The following ZNF536 variants were observed in gnomAD, a reference collection of about 807,000 sequenced individuals.
The protein encoded by ZNF536 is zinc finger protein 536.
Under a neutral mutation model 84.5 loss-of-function variants are expected in ZNF536, and 13 were observed. That is an observed-to-expected ratio of 0.15 (90% confidence interval 0.10 to 0.24). The LOEUF (loss-of-function observed/expected upper bound fraction) is 0.24, where lower values mean the gene tolerates loss of function less well. Ranked by LOEUF, ZNF536 falls within the 10% of genes least tolerant of loss-of-function variation. ZNF536 has a pLI of 1.00. For missense variants in ZNF536, 1,536 were observed against 1,747.5 expected (o/e 0.88, Z 2.16); for synonymous variants, 811 against 742.5 (o/e 1.09, Z -1.50).
intron 1 of ZNF536, among the ~76,000 whole-genome samples, chr19:30,378,299 T>G (rs1328116002): frequency 6.6e-6 from 1 of 152,218 alleles, no homozygotes; most frequent in African/African-American, 2.4e-5. Context: ...TAGCTGGGAC[T>G]ACAGGCATGA....
chr19:30,656,050 A>AC (rs909733554), intron 1 of ZNF536, among the ~76,000 whole-genome samples: 9 of 151,998 alleles, frequency 5.9e-5, no homozygotes, highest in Non-Finnish European at 1.3e-4. Context: ...TAAAAAAAAA[A>AC]ACCAACAAAC....
intron 2 of ZNF536, among the ~76,000 whole-genome samples, chr19:30,509,803 G>T (rs1048798582): frequency 6.6e-6 from 1 of 152,156 alleles, no homozygotes; most frequent in Non-Finnish European, 1.5e-5. Context: ...TATCTGATCC[G>T]AAGTACAATG....
chr19:30,291,386 G>A (rs898196697), intron 2 of ZNF536, among the ~76,000 whole-genome samples: 1 of 152,128 alleles, frequency 6.6e-6, no homozygotes, highest in Non-Finnish European at 1.5e-5. Flanking sequence ...CATTCTAACT[G>A]GTATGAGATG....
chr19:30,652,939 C>G (rs754218891), intron 1 of ZNF536, among the ~76,000 whole-genome samples: 1 of 152,152 alleles, frequency 6.6e-6, no homozygotes. Flanking sequence ...AACACCAAGG[C>G]GGGGAACCCA....
chr19:30,424,838 C>G (rs2051142374), intron 1 of ZNF536, among the ~76,000 whole-genome samples: 1 of 152,120 alleles, frequency 6.6e-6, no homozygotes, highest in African/African-American at 2.4e-5. Flanking sequence ...GTGAGAAATG[C>G]ATGCTTGGTG....
rs2148147020 is a variant in ZNF536, at chr19:30,443,640, C to T, written c.78C>T (p.Leu26=). 7.4e-6 allele frequency: 12 copies of T among 1,612,618 alleles called. No individual in the cohort carries two copies. Among genetic ancestry groups the T allele is most frequent in the Non-Finnish European group, 1.0e-5 (12 of 1,179,392 alleles). The change falls in exon 2 of 5, where the codon CTC becomes CTT. Residue 26 remains leucine, a synonymous_variant. Transcript: ENST00000355537. ...EAEPHLSGPV[L]NGQYAMSQKL... ...AGCCCCACCTGAGTGGCCCCGTCCT[C>T]AACGGCCAGTATGCCATGAGTCAGA...
intron 1 of ZNF536, among the ~76,000 whole-genome samples, chr19:30,442,718 G>A (rs1309789328): frequency 6.6e-6 from 1 of 152,162 alleles, no homozygotes; most frequent in Non-Finnish European, 1.5e-5. Flanking sequence ...TAAAATAACA[G>A]TGTTTCGTAA....
chr19:30,673,135 G>A (rs1219426005), intron 1 of ZNF536, among the ~76,000 whole-genome samples: 4 of 152,128 alleles, frequency 2.6e-5, no homozygotes, highest in African/African-American at 9.7e-5. Flanking sequence ...GAGCCTCTCC[G>A]AGCCTCCGTT....
chr19:30,334,824 G>A (rs1014001663), intron 2 of ZNF536, among the ~76,000 whole-genome samples: 1 of 152,206 alleles, frequency 6.6e-6, no homozygotes, highest in African/African-American at 2.4e-5. Context: ...GGATGAAACT[G>A]TTCCACCTCA....
chr19:30,416,072 A>G (rs11084550), intron 1 of ZNF536, among the ~76,000 whole-genome samples: 66,743 of 151,994 alleles, frequency 0.44, 15,598 homozygotes, highest in Non-Finnish European at 0.53. Flanking sequence ...TCATGTCAGG[A>G]ATTTGGCTGG....
chr19:30,445,879 T>A lies in ZNF536; in HGVS notation c.2170+147T>A. The stretch of plus-strand genomic sequence containing the variant: ...TGGGTTGGACACTGGGCCATGCCTT[T>A]CTTTCCCCCCCTGACTGGAGGGAAA... On this transcript the variant is annotated intron_variant, in intron 2 of 4. Coordinates refer to ENST00000355537, the MANE Select transcript of ZNF536 (RefSeq NM_014717.3). The surrounding 1 kb of genome is among the most constrained non-coding windows in gnomAD (Gnocchi z 4.5). 2.6e-6 allele frequency: 3 copies of A among 1,137,330 alleles called. No homozygotes were observed. The highest frequency in any genetic ancestry group is 3.6e-6 in the Non-Finnish European group (3 of 840,750). 70.5% of individuals were successfully genotyped at this position (1,137,330 alleles called of 1,614,324 possible).
chr19:30,671,700 C>A (rs571430030), intron 1 of ZNF536, among the ~76,000 whole-genome samples: 42 of 152,250 alleles, frequency 2.8e-4, no homozygotes, highest in Non-Finnish European at 5.0e-4. Flanking sequence ...GTTTATAGCA[C>A]CTGCGCTATC....
chr19:30,344,285 A>G (rs919211913), intron 2 of ZNF536, among the ~76,000 whole-genome samples: 1 of 42,084 alleles, frequency 2.4e-5, no homozygotes, highest in African/African-American at 1.7e-4. Context: ...CTAAAAATAC[A>G]CACACACACA....
rs1461079370 is a variant in ZNF536, at chr19:30,526,506, C to T, written c.2171-8341C>T. 2.4e-5 allele frequency among the ~76,000 whole-genome samples: 3 copies of T among 125,444 alleles called. 1 individual carries two copies. Among genetic ancestry groups the T allele is most frequent in the Non-Finnish European group, 6.0e-5 (3 of 50,008 alleles). 82.3% of individuals were successfully genotyped at this position (125,444 alleles called of 152,430 possible). A position where few individuals can be genotyped will look rare whatever the true frequency, so the allele number is the denominator to read the frequency against. On this transcript the variant is annotated intron_variant, in intron 2 of 4. Transcript: ENST00000355537. ...TTGGGAGGCCGAGGCGGGCGGATCACGAGGTCAGGAGATCGAGACCATCCC... is the reference window on the plus strand; with the variant it reads ...TTGGGAGGCCGAGGCGGGCGGATCATGAGGTCAGGAGATCGAGACCATCCC...
intron 3 of ZNF536, among the ~76,000 whole-genome samples, chr19:30,542,835 A>C (rs1257526379): frequency 6.6e-6 from 1 of 152,154 alleles, no homozygotes; most frequent in African/African-American, 2.4e-5. Context: ...TTCTAGAGAC[A>C]GGGTCTCACT....
intron 2 of ZNF536, among the ~76,000 whole-genome samples, chr19:30,450,176 A>G (rs1312430450): frequency 6.7e-6 from 1 of 149,514 alleles, no homozygotes; most frequent in Non-Finnish European, 1.5e-5. Flanking sequence ...ACAATTTTCC[A>G]GTAGACTGAG....
chr19:30,563,249 G>T (rs1175649442), intron 1 of ZNF536, among the ~76,000 whole-genome samples: 1 of 152,102 alleles, frequency 6.6e-6, no homozygotes, highest in Admixed American at 6.5e-5. Flanking sequence ...TCTCTTTCTG[G>T]ATGGCCCATC....
chr19:30,343,200 G>A (rs2047620920), intron 2 of ZNF536, among the ~76,000 whole-genome samples: 1 of 152,160 alleles, frequency 6.6e-6, no homozygotes, highest in South Asian at 2.1e-4. Context: ...GAATGTTTCT[G>A]GAAAAAGGGC....
chr19:30,423,173 C>A (rs1464311536), intron 1 of ZNF536, among the ~76,000 whole-genome samples: 3 of 148,724 alleles, frequency 2.0e-5, no homozygotes, highest in Non-Finnish European at 4.5e-5. Flanking sequence ...ATCCATCTAA[C>A]CATCTTCTAT....
Sources: allele counts gnomAD v4.1 joint callset (sites outside exome capture counted in the v4.1 genomes callset), GRCh38; gene constraint gnomAD v4.1.1; non-coding constraint Gnocchi (gnomAD v3.1); transcripts MANE v1.5; gene names NCBI Gene and HGNC (gene_info 2026-07-23, HGNC 2026-07-21).